Variants in UBAC2 observed in about 807,000 individuals in gnomAD.
The protein encoded by UBAC2 is UBA domain containing 2.
In UBAC2, 26 loss-of-function variants were observed where a neutral mutation model predicts 44.0. The observed-to-expected ratio is 0.59, with a 90% confidence interval of 0.43 to 0.82. The LOEUF (loss-of-function observed/expected upper bound fraction) is 0.82, where lower values mean the gene tolerates loss of function less well. Ranked by LOEUF, UBAC2 falls within the 40% of genes least tolerant of loss-of-function variation. The probability of loss-of-function intolerance (pLI) is 0.00; values close to 1 mark genes in which losing one functional copy is unlikely to be tolerated. For missense variants in UBAC2, 329 were observed against 419.4 expected, an observed-to-expected ratio of 0.78 and a Z score of 1.88; for synonymous variants, 155 against 154.3, an observed-to-expected ratio of 1.00 and a Z score of -0.04.
At chr13:99,256,471 G>A (rs2043560237) in intron 4 of UBAC2, 1 of 152,044 alleles carries the variant, frequency 6.6e-6, no homozygotes, top group Non-Finnish European at 1.5e-5. Flanking sequence ...AGTCTTCCAG[G>A]TTTTGTGATT....
intron 7 of UBAC2, among the ~76,000 whole-genome samples, chr13:99,355,753 G>A (rs1240503295): frequency 5.9e-5 from 9 of 152,228 alleles, no homozygotes; most frequent in South Asian, 4.1e-4. Flanking sequence ...AGCCCGCAGC[G>A]TGCTTGGTGC....
intron 6 of UBAC2, among the ~76,000 whole-genome samples, chr13:99,325,761 A>G (rs1434344685): frequency 6.6e-6 from 1 of 152,198 alleles, no homozygotes; most frequent in Non-Finnish European, 1.5e-5. Context: ...ACTATCTTAT[A>G]TACCTCATAT....
Position 99,385,487 on chromosome 13 carries a change from C to G in UBAC2, c.*152C>G, listed in dbSNP as rs1419777463. The G allele has an allele frequency of 1.5e-5, 9 of 603,056 alleles. No individual in the cohort carries two copies. The highest frequency in any genetic ancestry group is 2.7e-5 in the Non-Finnish European group (9 of 338,434). The allele number at this position is 603,056 out of a possible 1,614,324, so 37.4% of individuals were successfully genotyped here. On this transcript the variant is annotated 3_prime_UTR_variant, in exon 9 of 9. Coordinates refer to ENST00000403766, the MANE Select transcript of UBAC2 (RefSeq NM_001144072.2). ...CGCACCCCTGCCCTCAACCGCAAGA[C>G]TGTTGCCGTTTTAGTGTGGAGATAA...
chr13:99,371,613 A>G (rs2045407740), intron 8 of UBAC2, among the ~76,000 whole-genome samples: 1 of 152,208 alleles, frequency 6.6e-6, no homozygotes, highest in Admixed American at 6.5e-5. Flanking sequence ...AGATAACTTG[A>G]ATTAACAAAA....
At chr13:99,367,957 T>C (rs2045353737) in intron 8 of UBAC2, 51 bp downstream of exon 8, 1 of 1,588,940 alleles carries the variant, frequency 6.3e-7, no homozygotes, top group South Asian at 1.1e-5. Context: ...GTTTCAGAGT[T>C]GAAGCAGTTT....
chr13:99,336,853 A>T (rs2044795570), intron 6 of UBAC2, among the ~76,000 whole-genome samples: 1 of 152,086 alleles, frequency 6.6e-6, no homozygotes, highest in Admixed American at 6.5e-5. Flanking sequence ...TATACCCATA[A>T]TCCACCATGC....
intron 7 of UBAC2, among the ~76,000 whole-genome samples, chr13:99,359,458 A>G (rs2045233996): frequency 6.6e-6 from 1 of 152,060 alleles, no homozygotes; most frequent in Admixed American, 6.5e-5. Flanking sequence ...TCTGCCCTTG[A>G]TCTCCGTGGT....
chr13:99,338,039 C>CTTTTTTCTTTTTTTTTTTT (rs1566509471), intron 6 of UBAC2, among the ~76,000 whole-genome samples: 39 of 91,550 alleles, frequency 4.3e-4, no homozygotes, highest in South Asian at 1.4e-3. Flanking sequence ...AACTTTTTTT[C>CTTTTTTCTTTTTTTTTTTT]TTTTTTTCTT....
intron 4 of UBAC2, among the ~76,000 whole-genome samples, chr13:99,252,762 A>G (rs1183760612): frequency 1.3e-5 from 2 of 152,206 alleles, no homozygotes; most frequent in Non-Finnish European, 2.9e-5. Flanking sequence ...TATTTAAAAA[A>G]TAACTTTTAA....
intron 4 of UBAC2, among the ~76,000 whole-genome samples, chr13:99,284,824 G>T (rs542842029): frequency 6.6e-6 from 1 of 152,248 alleles, no homozygotes; most frequent in East Asian, 1.9e-4. Context: ...ATATTCTAAG[G>T]CTGCTGGAAA....
At chr13:99,380,558 C>T (rs980198386) in intron 8 of UBAC2, among the ~76,000 whole-genome samples, 2 of 152,208 alleles carry the variant, frequency 1.3e-5, no homozygotes, top group Admixed American at 1.3e-4. Context: ...CTAACTTGCA[C>T]GGCTGTGAGC....
rs773370310 is a variant in UBAC2, at chr13:99,234,171, C to CTTTTT, written c.32-4231_32-4227dup. On this transcript the variant is annotated intron_variant, in intron 1 of 8. Transcript: ENST00000403766. ...GGGCCGGACATTGTGCTAGCCGTTT[C>CTTTTT]TTTTTTTTTTTTTTTTTTTTTTTTT... Among the ~76,000 whole-genome samples the CTTTTT allele has an allele frequency of 9.2e-4, 57 of 61,720 alleles. 3 individuals carry two copies. Among genetic ancestry groups the CTTTTT allele is most frequent in the African/African-American group, 1.6e-3 (23 of 14,614 alleles). 40.5% of individuals were successfully genotyped at this position (61,720 alleles called of 152,430 possible).
chr13:99,214,230 T>G (rs938016766), intron 1 of UBAC2, among the ~76,000 whole-genome samples: 15 of 151,902 alleles, frequency 9.9e-5, no homozygotes, highest in East Asian at 1.9e-4. Flanking sequence ...TTTGTTTTTT[T>G]TTTTTTTTTT....
In UBAC2 at chr13:99,385,309, G is replaced by A. The variant is rs773347902; in HGVS notation, c.1009G>A (p.Ala337Thr). The change falls in exon 9 of 9, where the codon GCC becomes ACC. Residue 337 changes from alanine (A) to threonine (T), a missense_variant. Coordinates refer to ENST00000403766, the MANE Select transcript of UBAC2 (RefSeq NM_001144072.2). ...AGCTTCAAACAATGACCTCAATGTC[G>A]CCACCAACTTCCTGCTGCAGCACTG... ...LRASNNDLNV[A>T]TNFLLQH The A allele has an allele frequency of 5.8e-5, 93 of 1,613,868 alleles. No individual in the cohort carries two copies. The highest frequency in any genetic ancestry group is 7.7e-5 in the Non-Finnish European group (91 of 1,179,978).
At chr13:99,264,518 A>G (rs1419039489) in intron 4 of UBAC2, among the ~76,000 whole-genome samples, 1 of 151,866 alleles carries the variant, frequency 6.6e-6, no homozygotes, top group African/African-American at 2.4e-5. Context: ...TTTGTAGCTT[A>G]TTTAAATTTT....
intron 6 of UBAC2, among the ~76,000 whole-genome samples, chr13:99,323,061 C>T (rs369256528): frequency 2.6e-5 from 4 of 151,980 alleles, no homozygotes; most frequent in East Asian, 3.9e-4. Context: ...TGCTTCTGGG[C>T]GAGGGATGGT....
chr13:99,236,292 C>G (rs1318957099), intron 1 of UBAC2, among the ~76,000 whole-genome samples: 1 of 152,168 alleles, frequency 6.6e-6, no homozygotes, highest in Non-Finnish European at 1.5e-5. Context: ...AAAATACTTG[C>G]AATACTTGCA....
At chr13:99,228,173 A>G (rs918918747) in intron 1 of UBAC2, among the ~76,000 whole-genome samples, 1 of 152,164 alleles carries the variant, frequency 6.6e-6, no homozygotes, top group Admixed American at 6.5e-5. Flanking sequence ...TTGCACTTAC[A>G]TCACCCCTGC....
intron 4 of UBAC2, among the ~76,000 whole-genome samples, chr13:99,265,403 T>G (rs2043729491): frequency 6.6e-6 from 1 of 152,186 alleles, no homozygotes; most frequent in South Asian, 2.1e-4. Flanking sequence ...GGAAAAAAGG[T>G]TCTCAGACTG....
Sources: allele counts gnomAD v4.1 joint callset (sites outside exome capture counted in the v4.1 genomes callset), GRCh38; gene constraint gnomAD v4.1.1; transcripts MANE v1.5; gene names NCBI Gene and HGNC (gene_info 2026-07-23, HGNC 2026-07-21).